Variants in ZNF445 observed in about 807,000 individuals in gnomAD.
The protein encoded by ZNF445 is zinc finger protein 168.
In ZNF445, 19 loss-of-function variants were observed where a neutral mutation model predicts 93.9. That is an observed-to-expected ratio of 0.20 (90% confidence interval 0.14 to 0.30). The LOEUF (loss-of-function observed/expected upper bound fraction) is 0.30. Ranked by LOEUF, ZNF445 falls within the 10% of genes least tolerant of loss-of-function variation. The pLI, the probability that ZNF445 is intolerant of heterozygous loss-of-function variation, is 1.00. For missense variants in ZNF445, 1,058 were observed against 1,259.4 expected, an observed-to-expected ratio of 0.84 and a Z score of 2.42; for synonymous variants, 449 against 446.3, an observed-to-expected ratio of 1.01 and a Z score of -0.08.
chr3:44,448,353 T>G lies in ZNF445; in HGVS notation c.1318A>C (p.Met440Leu). Residue 440 changes from methionine (M) to leucine (L), a missense_variant, in exon 8 of 8, where the codon ATG (methionine) becomes CTG (leucine). By Grantham distance (15) the Met-to-Leu change is conservative. Coordinates refer to ENST00000396077, the MANE Select transcript of ZNF445 (RefSeq NM_181489.6). ...YKKYGKGLRH[M>L]IGGFSLHQRI... The stretch of plus-strand genomic sequence containing the variant: ...TGATGTAGGCTGAAGCCCCCAATCA[T>G]GTGTCTGAGCCCCTTCCCATATTTC... 6.2e-7 allele frequency: 1 copy of G among 1,614,262 alleles called. No individual in the cohort carries two copies. Among genetic ancestry groups the G allele is most frequent in the Non-Finnish European group, 8.5e-7 (1 of 1,180,048 alleles).
At chr3:44,472,171 A>G (rs1698278178) in intron 1 of ZNF445, among the ~76,000 whole-genome samples, 1 of 152,252 alleles carries the variant, frequency 6.6e-6, no homozygotes, top group South Asian at 2.1e-4. Flanking sequence ...AAGAGAAAGA[A>G]ATTGAGGCCA....
intron 1 of ZNF445, among the ~76,000 whole-genome samples, chr3:44,470,762 A>G (rs1390841919): frequency 1.3e-5 from 2 of 152,206 alleles, no homozygotes; most frequent in Admixed American, 6.5e-5. Context: ...AAAGTGATCA[A>G]TAATTCTCTT....
At chr3:44,451,733 G>A (rs1224258001) in intron 3 of ZNF445, among the ~76,000 whole-genome samples, 3 of 152,122 alleles carry the variant, frequency 2.0e-5, no homozygotes, top group Non-Finnish European at 4.4e-5. Context: ...CTCAACACAA[G>A]GAAGCACATG....
chr3:44,457,220 G>A lies in ZNF445; in HGVS notation c.-148+1024C>T, dbSNP rs573383386. 2.6e-5 allele frequency among the ~76,000 whole-genome samples: 4 copies of A among 152,174 alleles called. No homozygotes were observed. The East Asian group carries it at 5.8e-4, about 22-fold the overall frequency. On this transcript the variant is annotated intron_variant, in intron 2 of 7. Transcript: ENST00000396077. ...CCTGGGGAAGGAGCTTGTGCTATAC[G>A]AATCACATCACTATGTAGAGGAGTC...
At chr3:44,463,426 G>T (rs1408387145) in intron 1 of ZNF445, among the ~76,000 whole-genome samples, 1 of 152,148 alleles carries the variant, frequency 6.6e-6, no homozygotes. Context: ...AGGCACCACA[G>T]ACCCCGTTTT....
rs1697954432 is a variant in ZNF445 at position 44,451,307 on chromosome 3, C to G, written c.598+7G>C. 1 of 1,610,956 alleles carries G rather than the reference C, an allele frequency of 6.2e-7. No homozygotes were observed. The highest frequency in any genetic ancestry group is 1.1e-5 in the South Asian group (1 of 91,012). On this transcript the variant is annotated splice_region_variant and intron_variant, in intron 4 of 7. Transcript: ENST00000396077. ...AGGCTGGGGTCTTAAGGCCAGGCAGCAAGTACCGGATTGCCCAGCCAGGAA... is the reference window on the plus strand; with the variant it reads ...AGGCTGGGGTCTTAAGGCCAGGCAGGAAGTACCGGATTGCCCAGCCAGGAA...
rs1697558271 is a variant in ZNF445 at position 44,431,919 on chromosome 3, ATTTT to A, written c.*14652_*14655del. 6.7e-6 allele frequency: 1 copy of A among 149,358 alleles called. No homozygotes were observed. Among genetic ancestry groups the A allele is most frequent in the Non-Finnish European group, 1.5e-5 (1 of 68,004 alleles). The allele number at this position is 149,358 out of a possible 1,614,324, so 9.3% of individuals were successfully genotyped here. ...GAAGATTATATGAAATTTATTTTTT[ATTTT>A]TTATTTTTTTGAGACAGGGTCGCTC... On this transcript the variant is annotated 3_prime_UTR_variant, in exon 8 of 8. Transcript: ENST00000396077.
At chr3:44,462,803 G>T (rs183241223) in intron 1 of ZNF445, among the ~76,000 whole-genome samples, 11 of 152,208 alleles carry the variant, frequency 7.2e-5, no homozygotes, top group African/African-American at 2.6e-4. Context: ...AAATTCAAAA[G>T]CCAAAAATAT....
chr3:44,440,811 GATTATT>G lies in ZNF445; in HGVS notation c.*5758_*5763del, dbSNP rs1338009616. ...TTGATTATATGCTAAACAAGGGGTA[GATTATT>G]CATAAGTTTCCCGGGAAAGGTGTGA... is the stretch of plus-strand genomic sequence containing the variant. On this transcript the variant is annotated 3_prime_UTR_variant, in exon 8 of 8. Transcript: ENST00000396077. 1 of 152,106 alleles carries G rather than the reference GATTATT, an allele frequency of 6.6e-6. No individual in the cohort carries two copies. Among genetic ancestry groups the G allele is most frequent in the Admixed American group, 6.5e-5 (1 of 15,272 alleles). The allele number at this position is 152,106 out of a possible 1,614,324, so 9.4% of individuals were successfully genotyped here.
chr3:44,461,274 T>G (rs949602186), intron 1 of ZNF445, among the ~76,000 whole-genome samples: 3 of 152,178 alleles, frequency 2.0e-5, no homozygotes, highest in African/African-American at 7.2e-5. Flanking sequence ...GGGTGTCTGT[T>G]TGGCTCCTGA....
intron 1 of ZNF445, among the ~76,000 whole-genome samples, chr3:44,465,046 G>A (rs538777072): frequency 1.8e-4 from 26 of 143,350 alleles, no homozygotes; most frequent in African/African-American, 5.8e-4. Flanking sequence ...CAGCCTGGGC[G>A]ACAGAGTGAG....
rs531754416 is a variant in ZNF445 at position 44,444,804 on chromosome 3, A to G, written c.*1771T>C. The G allele has an allele frequency of 1.3e-5, 2 of 152,194 alleles. No homozygotes were observed. The highest frequency in any genetic ancestry group is 2.9e-5 in the Non-Finnish European group (2 of 68,058). The allele number at this position is 152,194 out of a possible 1,614,324, so 9.4% of individuals were successfully genotyped here. A position where few individuals can be genotyped will look rare whatever the true frequency, so the allele number is the denominator to read the frequency against. ...AAGATTATTCCATACTCTACTGAAA[A>G]AGACATCTTCCAGGTTGGTTTCTTC... is the stretch of plus-strand genomic sequence containing the variant. On this transcript the variant is annotated 3_prime_UTR_variant, in exon 8 of 8. Transcript: ENST00000396077.
chr3:44,457,578 T>A (rs1160409916), intron 2 of ZNF445, among the ~76,000 whole-genome samples: 1 of 152,182 alleles, frequency 6.6e-6, no homozygotes, highest in African/African-American at 2.4e-5. Context: ...CGATTTTTGA[T>A]AAAGATGCAA....
chr3:44,450,102 T>C (rs1441498585), intron 6 of ZNF445: 1 of 324,498 alleles, frequency 3.1e-6, no homozygotes, highest in African/African-American at 2.2e-5. Flanking sequence ...ACCACATGCT[T>C]GTATTTTTGT....
At position 44,450,898 on chromosome 3, in the gene ZNF445, T is replaced by C. The variant is rs1487360928; in HGVS notation, c.663A>G (p.Thr221=). 1 of 1,595,148 alleles carries C rather than the reference T, an allele frequency of 6.3e-7. No individual in the cohort carries two copies. The highest frequency in any genetic ancestry group is 2.3e-5 in the East Asian group (1 of 44,026). Residue 221 remains threonine, a synonymous_variant, in exon 5 of 8, where the codon ACA becomes ACG. Coordinates refer to ENST00000396077, the MANE Select transcript of ZNF445 (RefSeq NM_181489.6). ...GCTGGGCTGTCAGGGACCTGGTTGG[T>C]GTTACCTGGTCTCCCGGGCACCCCT... ...PREGCPGDQV[T]PTRSLTAQLQ...
chr3:44,448,361 A>G lies in ZNF445; in HGVS notation c.1310T>C (p.Leu437Pro). 6.2e-7 allele frequency: 1 copy of G among 1,614,188 alleles called. No individual in the cohort carries two copies. Among genetic ancestry groups the G allele is most frequent in the Non-Finnish European group, 8.5e-7 (1 of 1,180,036 alleles). The change falls in exon 8 of 8, where the codon CTC (leucine) becomes CCC (proline). Residue 437 changes from leucine (L) to proline (P), a missense_variant. This residue lies in a region of ZNF445 where 657 missense variants were observed against 746.4 expected (regional missense o/e 0.88). Transcript: ENST00000396077. Reference sequence around the variant, plus strand: ...GCTGAAGCCCCCAATCATGTGTCTGAGCCCCTTCCCATATTTCTTGTAGTC... The same window carrying G: ...GCTGAAGCCCCCAATCATGTGTCTGGGCCCCTTCCCATATTTCTTGTAGTC... ...HYDYKKYGKG[L>P]RHMIGGFSLH...
At chr3:44,451,092 A>C in intron 4 of ZNF445, 130 bp from the exon 5 acceptor site, 1 of 994,278 alleles carries the variant, frequency 1.0e-6, no homozygotes, top group Non-Finnish European at 1.5e-6. Context: ...CCCATCTCAC[A>C]TGTCCTCAGT....
intron 1 of ZNF445, among the ~76,000 whole-genome samples, chr3:44,472,320 A>G (rs1317422350): frequency 6.6e-6 from 1 of 152,228 alleles, no homozygotes; most frequent in East Asian, 1.9e-4. Flanking sequence ...CTGCTGCACA[A>G]ATGTCCAAAA....
Position 44,447,872 on chromosome 3 carries a change from C to T in ZNF445, c.1799G>A (p.Ser600Asn), listed in dbSNP as rs755107375. 129 of 1,613,980 alleles carry T rather than the reference C, an allele frequency of 8.0e-5. No homozygotes were observed. Among genetic ancestry groups the T allele is most frequent in the Non-Finnish European group, 1.1e-4 (124 of 1,180,042 alleles). The change falls in exon 8 of 8, where the codon AGC (serine) becomes AAC (asparagine). Residue 600 changes from serine to asparagine, a missense_variant. Around this residue, in one of 3 missense-constraint regions of ZNF445, gnomAD observed 657 missense variants for 746.4 expected, o/e 0.88. Transcript: ENST00000396077. The surrounding 1 kb of genome is among the most constrained non-coding windows in gnomAD (Gnocchi z 4.7). ...DQSGEKLFDC[S>N]QCRKSFHCKS... is the part of the protein sequence containing the mutation. ...ACAGTGGAAGGATTTCCTGCACTGG[C>T]TGCAGTCAAAGAGTTTCTCCCCACT...
Sources: allele counts gnomAD v4.1 joint callset (sites outside exome capture counted in the v4.1 genomes callset), GRCh38; gene constraint gnomAD v4.1.1; regional missense constraint gnomAD v4.1.1; non-coding constraint Gnocchi (gnomAD v3.1); transcripts MANE v1.5; gene names NCBI Gene and HGNC (gene_info 2026-07-23, HGNC 2026-07-21).